Variants in SCFD2 observed in about 807,000 individuals in gnomAD.
SCFD2 encodes the protein sec1 family domain containing 2.
In SCFD2, 54 loss-of-function variants were observed where a neutral mutation model predicts 58.9. The ratio of observed to expected loss-of-function variants is 0.92; its 90% CI spans 0.74 to 1.15. The LOEUF (loss-of-function observed/expected upper bound fraction) is 1.15, where lower values mean the gene tolerates loss of function less well. Among genes scored for constraint, SCFD2 ranks in the 50% most tolerant of loss-of-function variants. SCFD2 has a pLI of 0.00. For missense variants in SCFD2, 805 were observed against 836.6 expected, an observed-to-expected ratio of 0.96 and a Z score of 0.47; for synonymous variants, 321 against 335.9, an observed-to-expected ratio of 0.96 and a Z score of 0.49.
Position 53,273,946 on chromosome 4 carries a change from G to C in SCFD2, c.1191C>G (p.Leu397=). Reference sequence around the variant, plus strand: ...GGCCACAATGATTCATTAGAGCTTTGAGGTTGTTCTTGAAGAGCTGAATAT... The same window carrying C: ...GGCCACAATGATTCATTAGAGCTTTCAGGTTGTTCTTGAAGAGCTGAATAT... The part of the protein sequence containing the change: ...MSYIQLFKNN[L]KALMNHCGLL... The change falls in exon 4 of 9, where the codon CTC becomes CTG. Residue 397 remains leucine, a synonymous_variant. Coordinates refer to ENST00000401642, the MANE Select transcript of SCFD2 (RefSeq NM_152540.4). 6.2e-7 allele frequency: 1 copy of C among 1,613,908 alleles called. No individual in the cohort carries two copies. Among genetic ancestry groups the C allele is most frequent in the Non-Finnish European group, 8.5e-7 (1 of 1,179,898 alleles).
At chr4:53,062,708 C>A (rs2148841850) in intron 5 of SCFD2, among the ~76,000 whole-genome samples, 1 of 152,248 alleles carries the variant, frequency 6.6e-6, no homozygotes, top group South Asian at 2.1e-4. Context: ...ATAATTTACT[C>A]AGCTCTTACA....
chr4:53,225,799 C>A (rs1160261342), intron 4 of SCFD2, among the ~76,000 whole-genome samples: 1 of 152,174 alleles, frequency 6.6e-6, no homozygotes, highest in Non-Finnish European at 1.5e-5. Flanking sequence ...ACCCTCTAAT[C>A]TTAAGGTCCT....
At chr4:53,219,949 C>T (rs1218684361) in intron 4 of SCFD2, among the ~76,000 whole-genome samples, 1 of 152,174 alleles carries the variant, frequency 6.6e-6, no homozygotes, top group Non-Finnish European at 1.5e-5. Context: ...AACACTCACA[C>T]CACAGCAGTG....
At chr4:53,139,012 A>C (rs2148906337) in intron 5 of SCFD2, among the ~76,000 whole-genome samples, 1 of 152,230 alleles carries the variant, frequency 6.6e-6, no homozygotes, top group South Asian at 2.1e-4. Flanking sequence ...CTGGGATTGC[A>C]GGTGCGCGCC....
chr4:53,308,550 G>C (rs1347570542), intron 3 of SCFD2, among the ~76,000 whole-genome samples: 2 of 151,626 alleles, frequency 1.3e-5, no homozygotes, highest in Admixed American at 1.3e-4. Context: ...ATGCACACAT[G>C]CTCCTCTTAA....
intron 3 of SCFD2, among the ~76,000 whole-genome samples, chr4:53,312,320 C>T (rs1199736686): frequency 1.3e-5 from 2 of 152,158 alleles, no homozygotes; most frequent in South Asian, 2.1e-4. Context: ...GTGCATATTA[C>T]GTGGCATCAA....
chr4:53,131,884 GAGTC>G (rs1725796254), intron 5 of SCFD2, among the ~76,000 whole-genome samples: 1 of 152,166 alleles, frequency 6.6e-6, no homozygotes, highest in African/African-American at 2.4e-5. Context: ...GAGTTAACAA[GAGTC>G]AGTAATAGCT....
chr4:53,163,401 AAATG>A (rs1206424474), intron 4 of SCFD2, among the ~76,000 whole-genome samples: 1 of 152,104 alleles, frequency 6.6e-6, no homozygotes, highest in Non-Finnish European at 1.5e-5. Flanking sequence ...CTCCTCTAAG[AAATG>A]AATGACTGGA....
At chr4:53,173,825 T>G (rs748703549) in intron 4 of SCFD2, among the ~76,000 whole-genome samples, 1 of 152,140 alleles carries the variant, frequency 6.6e-6, no homozygotes, top group Non-Finnish European at 1.5e-5. Context: ...CTGCTTAACT[T>G]TGATCACATA....
chr4:53,211,241 G>GAAAAAA (rs55830697), intron 4 of SCFD2, among the ~76,000 whole-genome samples: 4,637 of 141,864 alleles, frequency 0.033, 100 homozygotes, highest in Non-Finnish European at 0.05. Flanking sequence ...GACTCCATGT[G>GAAAAAA]AAAAAAAAAA....
At chr4:53,013,775 A>G (rs376791331) in intron 5 of SCFD2, among the ~76,000 whole-genome samples, 8 of 152,212 alleles carry the variant, frequency 5.3e-5, no homozygotes, top group South Asian at 4.1e-4. Flanking sequence ...CCCAGACTGT[A>G]TATCTCCTTA....
At chr4:53,177,789 A>C (rs1234795915) in intron 4 of SCFD2, among the ~76,000 whole-genome samples, 1 of 152,214 alleles carries the variant, frequency 6.6e-6, no homozygotes, top group Non-Finnish European at 1.5e-5. Context: ...CTGGAAAAGC[A>C]GGTCACTCCC....
chr4:53,062,249 G>A lies in SCFD2; in HGVS notation c.1561+83084C>T, dbSNP rs1296714964. Reference sequence around the variant, plus strand: ...TAGCCAGGCAAGGTGGTAGGCGCCTGTAATCCCTGCTACTTGGGAAGCTGA... The same window carrying A: ...TAGCCAGGCAAGGTGGTAGGCGCCTATAATCCCTGCTACTTGGGAAGCTGA... On this transcript the variant is annotated intron_variant, in intron 5 of 8. Coordinates refer to ENST00000401642, the MANE Select transcript of SCFD2 (RefSeq NM_152540.4). 2.0e-5 allele frequency among the ~76,000 whole-genome samples: 3 copies of A among 151,842 alleles called. No individual in the cohort carries two copies. The East Asian group carries it at 5.8e-4, about 29-fold the overall frequency.
intron 4 of SCFD2, among the ~76,000 whole-genome samples, chr4:53,231,427 A>T (rs1014906264): frequency 6.6e-6 from 1 of 152,196 alleles, no homozygotes; most frequent in African/African-American, 2.4e-5. Context: ...TTCTGGTTAC[A>T]TAAGAAATCA....
Position 53,040,794 on chromosome 4 carries a change from T to C in SCFD2, c.1561+104539A>G, listed in dbSNP as rs369063363. On this transcript the variant is annotated intron_variant, in intron 5 of 8. Transcript: ENST00000401642. ...AGAACTGTACTTTTTTGATGGTTCATGCCTTACTGAAAAATTTGTGAAAGA... is the reference window on the plus strand; with the variant it reads ...AGAACTGTACTTTTTTGATGGTTCACGCCTTACTGAAAAATTTGTGAAAGA... Among the ~76,000 whole-genome samples, 4 of 152,192 alleles carry C rather than the reference T, an allele frequency of 2.6e-5. 1 individual carries two copies. In the East Asian group the frequency reaches 5.8e-4, roughly 22 times the overall value.
chr4:53,255,763 G>C (rs1463938686), intron 4 of SCFD2, among the ~76,000 whole-genome samples: 1 of 151,238 alleles, frequency 6.6e-6, no homozygotes, highest in African/African-American at 2.4e-5. Flanking sequence ...CGGGCAGAGG[G>C]GCTCCTCACT....
intron 2 of SCFD2, among the ~76,000 whole-genome samples, chr4:53,334,263 A>G (rs557805983): frequency 6.6e-5 from 10 of 152,146 alleles, no homozygotes; most frequent in Non-Finnish European, 1.3e-4. Flanking sequence ...ATATACCCAA[A>G]GGACTATAAA....
rs187876803 is a variant in SCFD2, at chr4:52,999,410, A to G, written c.1562-78540T>C. Among the ~76,000 whole-genome samples, 529 of 152,338 alleles carry G rather than the reference A, an allele frequency of 3.5e-3. 2 individuals are homozygous for G. Among genetic ancestry groups the G allele is most frequent in the African/African-American group, 0.012 (503 of 41,580 alleles). On this transcript the variant is annotated intron_variant, in intron 5 of 8. Coordinates refer to ENST00000401642, the MANE Select transcript of SCFD2 (RefSeq NM_152540.4). ...TCTTGCCCAGAGGTAGTGTGTTACGAAAATGGTTGGGGGCAGGAAGGAGGT... is the reference window on the plus strand; with the variant it reads ...TCTTGCCCAGAGGTAGTGTGTTACGGAAATGGTTGGGGGCAGGAAGGAGGT...
chr4:52,954,625 A>G (rs2109534097), intron 5 of SCFD2, among the ~76,000 whole-genome samples: 1 of 152,352 alleles, frequency 6.6e-6, no homozygotes, highest in Admixed American at 6.5e-5. Context: ...AGCAAGAGAA[A>G]GGAACAAGCA....
Sources: allele counts gnomAD v4.1 joint callset (sites outside exome capture counted in the v4.1 genomes callset), GRCh38; gene constraint gnomAD v4.1.1; transcripts MANE v1.5; gene names NCBI Gene and HGNC (gene_info 2026-07-23, HGNC 2026-07-21).